Variants in SEMA4A observed in about 807,000 individuals in gnomAD.
The protein encoded by SEMA4A is semaphorin-4A.
Under a neutral mutation model 72.5 loss-of-function variants are expected in SEMA4A, and 52 were observed. That is an observed-to-expected ratio of 0.72 (90% CI 0.57 to 0.90). SEMA4A has a LOEUF of 0.90. SEMA4A is among the 40% of genes least tolerant of loss of function. The probability of loss-of-function intolerance (pLI) is 0.00; values close to 1 mark genes in which losing one functional copy is unlikely to be tolerated. For missense variants in SEMA4A, 926 were observed against 959.7 expected (o/e 0.96, Z 0.46); for synonymous variants, 369 against 393.1 (o/e 0.94, Z 0.73).
Position 156,156,556 on chromosome 1 carries a change from C to T in SEMA4A, c.282C>T (p.Val94=). The T allele has an allele frequency of 6.2e-7, 1 of 1,613,792 alleles. No individual in the cohort carries two copies. The highest frequency in any genetic ancestry group is 8.5e-7 in the Non-Finnish European group (1 of 1,179,904). The change falls in exon 3 of 15, where the codon GTC becomes GTT. Residue 94 remains valine, a synonymous_variant. Coordinates refer to ENST00000368285, the MANE Select transcript of SEMA4A (RefSeq NM_022367.4). ...CCTTGGATATCCAGGATCCAGGGGT[C>T]CCCAGGCTAAAGAACATGGTGAGGA... The part of the protein sequence containing the change: ...ILALDIQDPG[V]PRLKNMIPWP...
In SEMA4A at chr1:156,156,159, C is replaced by T. The variant is rs1652999763; in HGVS notation, c.140-255C>T. 3.5e-5 allele frequency: 17 copies of T among 486,810 alleles called. 1 individual carries two copies. Among genetic ancestry groups the T allele is most frequent in the South Asian group, 3.3e-4 (17 of 51,532 alleles). 30.2% of individuals were successfully genotyped at this position (486,810 alleles called of 1,614,324 possible). On this transcript the variant is annotated intron_variant, in intron 2 of 14. Transcript: ENST00000368285. ...TGTCCCAGGCCTGGAAGAGCATCCA[C>T]TGTGCCTCACTTTATTTCCCGTCCC...
rs200265374 is a variant in SEMA4A at position 156,154,727 on chromosome 1, C to G, written c.139+10C>G. 5.7e-6 allele frequency: 9 copies of G among 1,576,738 alleles called. No homozygotes were observed. The highest frequency in any genetic ancestry group is 7.7e-6 in the Non-Finnish European group (9 of 1,161,318). ...GTCAGATACTATGCAGGTAAGTGTC[C>G]GACAGCAGGAAGTGTGGGGATAGCA... On this transcript the variant is annotated intron_variant, in intron 2 of 14. Transcript: ENST00000368285.
chr1:156,162,336 A>G (rs1653743829), intron 9 of SEMA4A, among the ~76,000 whole-genome samples: 1 of 152,246 alleles, frequency 6.6e-6, no homozygotes, highest in Admixed American at 6.5e-5. Flanking sequence ...TCCCCGAGTC[A>G]TGGTCTGGCC....
upstream of SEMA4A, among the ~76,000 whole-genome samples, chr1:156,148,732 T>C (rs1317064044): frequency 6.6e-6 from 1 of 151,764 alleles, no homozygotes; most frequent in Admixed American, 6.6e-5. Context: ...CGCCCCAGAC[T>C]CATGGTGCCT....
chr1:156,158,646 C>T, intron 5 of SEMA4A, 73 bp from the exon 6 acceptor site: 2 of 1,390,044 alleles, frequency 1.4e-6, no homozygotes, highest in South Asian at 2.3e-5. Flanking sequence ...CCTTTCCCTT[C>T]CTTCCTCAAG....
chr1:156,150,866 G>A (rs896628350), upstream of SEMA4A, among the ~76,000 whole-genome samples: 5 of 152,124 alleles, frequency 3.3e-5, no homozygotes, highest in Non-Finnish European at 7.4e-5. Flanking sequence ...CAGTGTTGTT[G>A]TCATGGCAGG....
At position 156,158,793 on chromosome 1, in the gene SEMA4A, C is replaced by A; in HGVS notation, c.537C>A (p.Asp179Glu). 5.6e-6 allele frequency: 9 copies of A among 1,614,052 alleles called. No homozygotes were observed. The highest frequency in any genetic ancestry group is 6.8e-6 in the Non-Finnish European group (8 of 1,179,968). ...AGGGAAAAGGCCAAAGCCCCTTTGA[C>A]CCCGCTCACAAGCATACGGCTGTCT... ...VMEGKGQSPF[D>E]PAHKHTAVLV... Residue 179 changes from aspartate (D) to glutamate (E), a missense_variant, in exon 6 of 15, where the codon GAC becomes GAA. Transcript: ENST00000368285.
At chr1:156,155,184 TGGCTG>T (rs149130465) in intron 2 of SEMA4A, 1,969 of 164,742 alleles carry the variant, frequency 0.012, 44 homozygotes, top group African/African-American at 0.045. Flanking sequence ...GACCATGGGA[TGGCTG>T]GTTGGAGAAT....
upstream of SEMA4A, among the ~76,000 whole-genome samples, chr1:156,152,886 C>T (rs1652663394): frequency 6.6e-6 from 1 of 152,198 alleles, no homozygotes; most frequent in Non-Finnish European, 1.5e-5. Context: ...TGGGCAGGAA[C>T]CTACCCACTT....
chr1:156,158,340 C>G, intron 4 of SEMA4A, 48 bp from the exon 5 acceptor site: 2 of 1,488,058 alleles, frequency 1.3e-6, no homozygotes, highest in African/African-American at 1.4e-5. Context: ...GGGGGTCCAG[C>G]AATTTGAGTC....
chr1:156,155,828 T>C (rs1652958722), intron 2 of SEMA4A: 1 of 182,740 alleles, frequency 5.5e-6, no homozygotes, highest in South Asian at 1.2e-4. Context: ...GGAGAGGACC[T>C]AGGTGAGCCT....
chr1:156,165,310 T>C (rs1376052972), intron 10 of SEMA4A, among the ~76,000 whole-genome samples: 2 of 152,148 alleles, frequency 1.3e-5, no homozygotes, highest in Non-Finnish European at 2.9e-5. Flanking sequence ...TTTGCCTCTT[T>C]CCTGTGACAG....
rs538451876 is a variant in SEMA4A at position 156,173,434 on chromosome 1, T to C, written c.1315+428T>C. Among the ~76,000 whole-genome samples, 11 of 152,070 alleles carry C rather than the reference T, an allele frequency of 7.2e-5. No individual in the cohort carries two copies. In the East Asian group the frequency reaches 1.9e-3, roughly 27 times the overall value. On this transcript the variant is annotated intron_variant, in intron 11 of 14. Coordinates refer to ENST00000368285, the MANE Select transcript of SEMA4A (RefSeq NM_022367.4). ...CAGCTGGGGTTCTTGGTTTTGTTTT[T>C]TCCCCCTCCTTGCCCCCAGGGTTCT... is the stretch of plus-strand genomic sequence containing the variant.
intron 11 of SEMA4A, among the ~76,000 whole-genome samples, chr1:156,173,902 G>A (rs1420325946): frequency 6.6e-6 from 1 of 152,142 alleles, no homozygotes; most frequent in African/African-American, 2.4e-5. Flanking sequence ...CTGAGGTCAG[G>A]AGTTCGAGAC....
Position 156,176,474 on chromosome 1 carries a change from CTTA to C in SEMA4A, c.1769_1771del (p.Tyr590del), listed in dbSNP as rs753229957. On this transcript the variant is annotated inframe_deletion, in exon 15 of 15. Transcript: ENST00000368285. Reference sequence around the variant, plus strand: ...TGCCCCCACCTGTCAGCCTTGGCCTCTTATTATTGGAGTCATGGCCCAGCAGCA... The same window carrying C: ...TGCCCCCACCTGTCAGCCTTGGCCTCTTATTGGAGTCATGGCCCAGCAGCA... 2 of 1,614,166 alleles carry C rather than the reference CTTA, an allele frequency of 1.2e-6. No individual in the cohort carries two copies. The highest frequency in any genetic ancestry group is 2.7e-5 in the African/African-American group (2 of 75,024).
Position 156,158,079 on chromosome 1 carries a change from C to A in SEMA4A, c.310C>A (p.Pro104Thr), listed in dbSNP as rs896061349. ...VPRLKNMIPW[P>T]ASDRKKSECA... The stretch of plus-strand genomic sequence containing the variant: ...AACTCCCCACTTTCAGATACCGTGG[C>A]CAGCCAGTGACAGAAAAAAGAGTGA... The change falls in exon 4 of 15, where the codon CCA becomes ACA. Residue 104 changes from proline to threonine, a missense_variant. Coordinates refer to ENST00000368285, the MANE Select transcript of SEMA4A (RefSeq NM_022367.4). 3 of 1,613,958 alleles carry A rather than the reference C, an allele frequency of 1.9e-6. No homozygotes were observed. The highest frequency in any genetic ancestry group is 1.3e-5 in the African/African-American group (1 of 74,888).
In SEMA4A at chr1:156,157,764, G is replaced by A. The variant is rs796083218; in HGVS notation, c.301-306G>A. On this transcript the variant is annotated intron_variant, in intron 3 of 14. Coordinates refer to ENST00000368285, the MANE Select transcript of SEMA4A (RefSeq NM_022367.4). The surrounding 1 kb of genome is among the most constrained non-coding windows in gnomAD (Gnocchi z 4.5). ...GTTAGGTGTTTTGTATATGCCACCT[G>A]GTTGTATCTGCCAGTAGCCTATGAA... Among the ~76,000 whole-genome samples, 5 of 152,312 alleles carry A rather than the reference G, an allele frequency of 3.3e-5. 1 individual carries two copies. Among genetic ancestry groups the A allele is most frequent in the African/African-American group, 1.2e-4 (5 of 41,558 alleles).
At chr1:156,156,269 A>G in intron 2 of SEMA4A, 145 bp from the exon 3 acceptor site, 1 of 744,272 alleles carries the variant, frequency 1.3e-6, no homozygotes, top group Non-Finnish European at 2.4e-6. Context: ...GAAGGGAAGA[A>G]CTGCTGGTGG....
chr1:156,167,475 C>CAAAAAAAAAAA (rs58793729), intron 10 of SEMA4A, among the ~76,000 whole-genome samples: 2 of 103,640 alleles, frequency 1.9e-5, no homozygotes, highest in Non-Finnish European at 2.0e-5. Context: ...GACCCTGTCT[C>CAAAAAAAAAAA]AAAAAAAAAA....
Sources: allele counts gnomAD v4.1 joint callset (sites outside exome capture counted in the v4.1 genomes callset), GRCh38; gene constraint gnomAD v4.1.1; non-coding constraint Gnocchi (gnomAD v3.1); transcripts MANE v1.5; gene names NCBI Gene and HGNC (gene_info 2026-07-23, HGNC 2026-07-21).